Variants in TBC1D32 observed in about 807,000 individuals in gnomAD.
TBC1D32 encodes the protein protein broad-minded.
A neutral mutation model predicts 170.3 loss-of-function variants in TBC1D32; 151 were observed. The ratio of observed to expected loss-of-function variants is 0.89; its 90% confidence interval spans 0.78 to 1.01. The LOEUF (loss-of-function observed/expected upper bound fraction) is 1.01, where lower values mean the gene tolerates loss of function less well. Ranked by LOEUF, TBC1D32 falls within the 50% of genes least tolerant of loss-of-function variation. TBC1D32 has a pLI of 0.00. For missense variants in TBC1D32, 1,464 were observed against 1,457.1 expected (o/e 1.00, Z -0.08); for synonymous variants, 498 against 488.0 (o/e 1.02, Z -0.27).
chr6:121,108,267 A>T (rs1778886746), intron 29 of TBC1D32, among the ~76,000 whole-genome samples: 2 of 152,072 alleles, frequency 1.3e-5, no homozygotes, highest in African/African-American at 4.8e-5. Context: ...CATGAATATA[A>T]TACGAGGTCT....
chr6:121,102,362 A>G (rs989333528), intron 30 of TBC1D32, among the ~76,000 whole-genome samples: 2 of 152,136 alleles, frequency 1.3e-5, no homozygotes, highest in Non-Finnish European at 2.9e-5. Context: ...CAGTAACCAA[A>G]ACAGCATGGT....
intron 15 of TBC1D32, among the ~76,000 whole-genome samples, chr6:121,268,916 G>A (rs1167304557): frequency 3.3e-5 from 5 of 152,122 alleles, no homozygotes; most frequent in African/African-American, 4.8e-5. Flanking sequence ...CGGATCTCTC[G>A]GCAGACACTC....
intron 21 of TBC1D32, among the ~76,000 whole-genome samples, chr6:121,222,467 T>A (rs1794633528): frequency 6.6e-6 from 1 of 152,184 alleles, no homozygotes; most frequent in South Asian, 2.1e-4. Context: ...ATCTTTGTAT[T>A]TCACGTCATA....
intron 22 of TBC1D32, among the ~76,000 whole-genome samples, chr6:121,192,066 T>TTATATATATATATATATATA (rs1554263739): frequency 1.1e-4 from 13 of 122,414 alleles, no homozygotes; most frequent in African/African-American, 3.8e-4. Flanking sequence ...AAACTACCCT[T>TTATATATATATATATATATA]TATATATATA....
chr6:121,138,715 A>C (rs1782418468), intron 24 of TBC1D32, among the ~76,000 whole-genome samples: 1 of 152,244 alleles, frequency 6.6e-6, no homozygotes. Flanking sequence ...TAAATATTTG[A>C]TAAAAGACTA....
chr6:121,266,606 T>C (rs1221492325), intron 15 of TBC1D32, among the ~76,000 whole-genome samples: 1 of 152,148 alleles, frequency 6.6e-6, no homozygotes, highest in African/African-American at 2.4e-5. Context: ...TAAAGATACA[T>C]GGACATGTAT....
At chr6:121,250,023 C>G (rs781134154) in intron 17 of TBC1D32, among the ~76,000 whole-genome samples, 1 of 151,968 alleles carries the variant, frequency 6.6e-6, no homozygotes, top group African/African-American at 2.4e-5. Context: ...CCCACACAGC[C>G]AAAGCAAAAC....
Position 121,112,619 on chromosome 6 carries a change from T to C in TBC1D32, c.3210A>G (p.Val1070=). 1 of 1,606,984 alleles carries C rather than the reference T, an allele frequency of 6.2e-7. No individual in the cohort carries two copies. The highest frequency in any genetic ancestry group is 1.7e-5 in the Admixed American group (1 of 59,432). The change falls in exon 29 of 32, where the codon GTA becomes GTG. Residue 1070 remains valine (V), a synonymous_variant. Coordinates refer to ENST00000398212, the MANE Select transcript of TBC1D32 (RefSeq NM_152730.6). ...QGNYAGHDWF[V]SSLFMIMLGD... is the part of the protein sequence containing the mutation. ...CCAACATTATCATGAACAGAGAAGA[T>C]ACAAACCAGTCATGGCCAGCATAAT...
intron 20 of TBC1D32, among the ~76,000 whole-genome samples, chr6:121,231,496 C>T (rs2389415): frequency 0.16 from 24,445 of 152,076 alleles, 2,643 homozygotes; most frequent in East Asian, 0.52. Context: ...GGAATCTCCA[C>T]GCTGTTTCCC....
At chr6:121,162,398 T>C (rs1233254571) in intron 22 of TBC1D32, among the ~76,000 whole-genome samples, 1 of 152,086 alleles carries the variant, frequency 6.6e-6, no homozygotes. Flanking sequence ...TGAAGGAACG[T>C]ATCACAAAAT....
intron 21 of TBC1D32, among the ~76,000 whole-genome samples, chr6:121,206,081 G>A (rs1792221912): frequency 6.6e-6 from 1 of 151,892 alleles, no homozygotes; most frequent in South Asian, 2.1e-4. Context: ...GTGGTGATGG[G>A]TGCCTGTAAT....
At chr6:121,286,759 C>T (rs1464870392) in intron 12 of TBC1D32, among the ~76,000 whole-genome samples, 3 of 152,166 alleles carry the variant, frequency 2.0e-5, no homozygotes, top group South Asian at 4.1e-4. Flanking sequence ...AGAGAAAGGT[C>T]GGGTTACGCA....
intron 2 of TBC1D32, among the ~76,000 whole-genome samples, chr6:121,320,471 T>C (rs1026533844): frequency 2.0e-5 from 3 of 152,126 alleles, no homozygotes; most frequent in African/African-American, 7.2e-5. Context: ...ATTAACCGTC[T>C]AATAAAGTAT....
At chr6:121,255,956 G>T in intron 16 of TBC1D32, 128 bp downstream of exon 16, 1 of 776,230 alleles carries the variant, frequency 1.3e-6, no homozygotes, top group Non-Finnish European at 2.1e-6. Context: ...GTCCCCTAGA[G>T]TACTGTGATG....
At chr6:121,316,950 A>G (rs1469042943) in intron 3 of TBC1D32, among the ~76,000 whole-genome samples, 2 of 152,134 alleles carry the variant, frequency 1.3e-5, no homozygotes, top group Admixed American at 1.3e-4. Flanking sequence ...CTTGTCTTCT[A>G]TTAGGGCCAA....
chr6:121,306,478 A>T (rs775760787), intron 5 of TBC1D32, among the ~76,000 whole-genome samples: 1 of 152,152 alleles, frequency 6.6e-6, no homozygotes, highest in Non-Finnish European at 1.5e-5. Flanking sequence ...CACACTGTAG[A>T]TACTCAATAT....
chr6:121,129,120 A>T (rs1201370520), intron 25 of TBC1D32, among the ~76,000 whole-genome samples: 5 of 152,200 alleles, frequency 3.3e-5, no homozygotes, highest in Admixed American at 1.3e-4. Context: ...TTTTCTAATG[A>T]TTATAAATTA....
At chr6:121,292,672 A>G (rs969644409) in intron 11 of TBC1D32, among the ~76,000 whole-genome samples, 1 of 152,232 alleles carries the variant, frequency 6.6e-6, no homozygotes, top group African/African-American at 2.4e-5. Flanking sequence ...CACAGAAGAT[A>G]ACAGAATTAA....
Position 121,324,041 on chromosome 6 carries a change from T to G in TBC1D32, c.156-2247A>C, listed in dbSNP as rs190535944. 1.4e-3 allele frequency among the ~76,000 whole-genome samples: 208 copies of G among 152,280 alleles called. 1 individual carries two copies. The highest frequency in any genetic ancestry group is 2.5e-3 in the Non-Finnish European group (171 of 68,016). On this transcript the variant is annotated intron_variant, in intron 1 of 31. Coordinates refer to ENST00000398212, the MANE Select transcript of TBC1D32 (RefSeq NM_152730.6). ...TCTATTTACCATATGATAGGTAAAA[T>G]AGATGAGGACACAGATTCAAAACAT...
Sources: gnomAD v4.1 joint callset for allele counts (sites outside exome capture counted in the v4.1 genomes callset) on GRCh38, gnomAD v4.1.1 for gene constraint, MANE v1.5 for transcripts, NCBI Gene and HGNC (gene_info 2026-07-23, HGNC 2026-07-21) for gene names.